The following DLST variants were observed in gnomAD, a reference collection of about 807,000 sequenced individuals.
The protein encoded by DLST is dihydrolipoamide S-succinyltransferase.
A neutral mutation model predicts 53.1 loss-of-function variants in DLST; 17 were observed. The ratio of observed to expected loss-of-function variants is 0.32; its 90% CI spans 0.22 to 0.48. The LOEUF (loss-of-function observed/expected upper bound fraction) is 0.48, where lower values mean the gene tolerates loss of function less well. Ranked by LOEUF, DLST falls within the 20% of genes least tolerant of loss-of-function variation. DLST has a pLI of 0.99. For synonymous variants in DLST, 206 were observed against 204.8 expected (o/e 1.01, Z -0.05); for missense variants, 512 against 583.9 (o/e 0.88, Z 1.27).
intron 3 of DLST, among the ~76,000 whole-genome samples, chr14:74,888,279 T>G (rs1883777275): frequency 1.3e-5 from 2 of 151,500 alleles, no homozygotes; most frequent in Admixed American, 6.6e-5. Flanking sequence ...TTTGGGTTTT[T>G]TTTTTTTTTT....
Position 74,900,590 on chromosome 14 carries a change from C to G in DLST, c.1059+218C>G, listed in dbSNP as rs535031664. On this transcript the variant is annotated intron_variant, in intron 13 of 14. Transcript: ENST00000334220. ...GATGAGACCTGCTAGAAAAGATCAT[C>G]TTTGAAGTCTTCAACTGTATGAAAT... 2.6e-5 allele frequency among the ~76,000 whole-genome samples: 4 copies of G among 152,336 alleles called. No homozygotes were observed. The South Asian group carries it at 8.3e-4, about 32-fold the overall frequency.
At chr14:74,898,626 C>T (rs1884146846) in intron 11 of DLST, 127 bp downstream of exon 11, 1 of 1,192,770 alleles carries the variant, frequency 8.4e-7, no homozygotes, top group South Asian at 1.7e-5. Context: ...ATATCAGTAT[C>T]TTCCCCAGGG....
rs947385660 is a variant in DLST at position 74,885,441 on chromosome 14, A to T, written c.98-145A>T. ...AAGGCTACTTTGGAAAAGTTTGAGA[A>T]GCAGGACTCTATGATAAAGATTATA... is the stretch of plus-strand genomic sequence containing the variant. On this transcript the variant is annotated intron_variant, in intron 2 of 14. Coordinates refer to ENST00000334220, the MANE Select transcript of DLST (RefSeq NM_001933.5). 35 of 855,980 alleles carry T rather than the reference A, an allele frequency of 4.1e-5. No homozygotes were observed. In the East Asian group the frequency reaches 8.2e-4, roughly 20 times the overall value. 53.0% of individuals were successfully genotyped at this position (855,980 alleles called of 1,614,324 possible). A position where few individuals can be genotyped will look rare whatever the true frequency, so the allele number is the denominator to read the frequency against.
chr14:74,883,416 TAAG>T (rs1883600096), intron 2 of DLST, among the ~76,000 whole-genome samples: 1 of 151,948 alleles, frequency 6.6e-6, no homozygotes, highest in South Asian at 2.1e-4. Context: ...TGGCAGAACT[TAAG>T]AGCTGGAAAA....
Position 74,889,367 on chromosome 14 carries a change from AT to A in DLST, c.274+38del, listed in dbSNP as rs560243017. On this transcript the variant is annotated intron_variant, in intron 5 of 14. Transcript: ENST00000334220. ...GGAGAAAGGTAAGATTTAGTTTCCT[AT>A]TTTTTTTTTTTTTTTTTTTGAGACA... 0.11 allele frequency: 124,459 copies of A among 1,171,332 alleles called. No homozygotes were observed. Among genetic ancestry groups the A allele is most frequent in the East Asian group, 0.11 (3,923 of 34,754 alleles). 72.6% of individuals were successfully genotyped at this position (1,171,332 alleles called of 1,614,324 possible).
At chr14:74,891,467 A>C in intron 7 of DLST, 1 of 1,026,174 alleles carries the variant, frequency 9.7e-7, no homozygotes. Context: ...TAATCTGAAA[A>C]TTCAAAATCT....
intron 6 of DLST, among the ~76,000 whole-genome samples, chr14:74,890,705 T>A (rs1883873558): frequency 6.6e-6 from 1 of 152,166 alleles, no homozygotes; most frequent in African/African-American, 2.4e-5. Context: ...TGTTACTCAC[T>A]GGAGATACGC....
intron 10 of DLST, 130 bp downstream of exon 10, chr14:74,894,539 GT>G (rs1884015990): frequency 9.5e-7 from 1 of 1,056,078 alleles, no homozygotes; most frequent in Admixed American, 2.8e-5. Flanking sequence ...ATTGTTTTTT[GT>G]TTGTTTGTTT....
At position 74,898,509 on chromosome 14, in the gene DLST, T is replaced by C; in HGVS notation, c.901+10T>C. On this transcript the variant is annotated intron_variant, in intron 11 of 14. Transcript: ENST00000334220. ...CCTGTTGTAAATGCAGGTGAGTTGC[T>C]TGTGGCTGGAATTGGAGAGGTCCTG... 6.2e-7 allele frequency: 1 copy of C among 1,613,802 alleles called. No individual in the cohort carries two copies. Among genetic ancestry groups the C allele is most frequent in the Non-Finnish European group, 8.5e-7 (1 of 1,179,784 alleles).
chr14:74,884,204 C>T (rs1318307494), intron 2 of DLST, among the ~76,000 whole-genome samples: 1 of 152,200 alleles, frequency 6.6e-6, no homozygotes, highest in East Asian at 1.9e-4. Flanking sequence ...GGGAAGAAGC[C>T]TGTCTGGCAG....
intron 1 of DLST, 73 bp from the exon 2 acceptor site, chr14:74,882,518 C>A: frequency 1.4e-6 from 2 of 1,475,274 alleles, no homozygotes; most frequent in Admixed American, 1.7e-5. Flanking sequence ...CAGCTTTGAG[C>A]GTGTACTTAA....
chr14:74,890,063 C>A, intron 6 of DLST, 111 bp downstream of exon 6: 1 of 683,068 alleles, frequency 1.5e-6, no homozygotes, highest in South Asian at 2.7e-5. Flanking sequence ...CTAGCTCTAA[C>A]TTCAGTTGTA....
intron 7 of DLST, among the ~76,000 whole-genome samples, 157 bp from the exon 8 acceptor site, chr14:74,892,677 T>C (rs1883949143): frequency 6.6e-6 from 1 of 152,184 alleles, no homozygotes; most frequent in Admixed American, 6.5e-5. Context: ...AATAGTGCCT[T>C]ATGTCATTGT....
Position 74,889,012 on chromosome 14 carries a change from G to T in DLST, c.147-83G>T, listed in dbSNP as rs1883803760. 6 of 1,400,728 alleles carry T rather than the reference G, an allele frequency of 4.3e-6. No individual in the cohort carries two copies. In the Admixed American group the frequency reaches 8.5e-5, roughly 20 times the overall value. The allele number at this position is 1,400,728 out of a possible 1,614,324, so 86.8% of individuals were successfully genotyped here. A position where few individuals can be genotyped will look rare whatever the true frequency, so the allele number is the denominator to read the frequency against. On this transcript the variant is annotated intron_variant, in intron 3 of 14. Coordinates refer to ENST00000334220, the MANE Select transcript of DLST (RefSeq NM_001933.5). ...CTGGTCAAGAGTCACTGTTTAAGGG[G>T]AAGGTGACCCATGGGGCCTTAACTA...
At chr14:74,900,788 A>G (rs1884221241) in intron 13 of DLST, among the ~76,000 whole-genome samples, 1 of 152,112 alleles carries the variant, frequency 6.6e-6, no homozygotes, top group Non-Finnish European at 1.5e-5. Flanking sequence ...AGAGTGGTAG[A>G]GTCATAGCTT....
Position 74,893,351 on chromosome 14 carries a change from C to G in DLST, c.599C>G (p.Ser200Cys), listed in dbSNP as rs1309604594. ...PSQPPSGKPV[S>C]AVKPTVAPPL... ...TTTATCCTCTTTTCATTTTCAGTGT[C>G]TGCAGTAAAACCCACTGTTGCCCCA... Residue 200 changes from serine to cysteine, a missense_variant, in exon 9 of 15, where the codon TCT (serine) becomes TGT (cysteine). Transcript: ENST00000334220. The G allele has an allele frequency of 6.2e-7, 1 of 1,614,052 alleles. No individual in the cohort carries two copies. The highest frequency in any genetic ancestry group is 8.5e-7 in the Non-Finnish European group (1 of 1,180,034).
chr14:74,893,244 A>C lies in DLST; in HGVS notation c.596-104A>C, dbSNP rs1051969802. 4.5e-6 allele frequency: 6 copies of C among 1,329,174 alleles called. No individual in the cohort carries two copies. In the African/African-American group the frequency reaches 7.2e-5, roughly 16 times the overall value. The allele number at this position is 1,329,174 out of a possible 1,614,324, so 82.3% of individuals were successfully genotyped here. ...TTGGAGTGATACTAATATACCTCAG[A>C]ATATCTTGAAGATTAAGTAACAGTA... On this transcript the variant is annotated intron_variant, in intron 8 of 14. Coordinates refer to ENST00000334220, the MANE Select transcript of DLST (RefSeq NM_001933.5).
intron 13 of DLST, 25 bp downstream of exon 13, chr14:74,900,397 C>G: frequency 6.2e-7 from 1 of 1,605,174 alleles, no homozygotes; most frequent in East Asian, 2.2e-5. Context: ...TGTATACAAG[C>G]TGCTAAGCAG....
chr14:74,891,346 A>G, intron 7 of DLST, 179 bp downstream of exon 7: 1 of 1,380,796 alleles, frequency 7.2e-7, no homozygotes, highest in Admixed American at 3.0e-5. Flanking sequence ...TTCTAAAAGA[A>G]AAGTGTATTT....
Sources: allele counts gnomAD v4.1 joint callset (sites outside exome capture counted in the v4.1 genomes callset), GRCh38; gene constraint gnomAD v4.1.1; transcripts MANE v1.5; gene names NCBI Gene and HGNC (gene_info 2026-07-23, HGNC 2026-07-21).